The following EEIG1 variants were observed in gnomAD, a reference collection of about 807,000 sequenced individuals.
The protein encoded by EEIG1 is early estrogen-induced gene 1 protein.
the EEIG1 span, among the ~76,000 whole-genome samples, chr9:127,971,506 GAC>G: frequency 1.6e-5 from 2 of 124,718 alleles, no homozygotes; most frequent in African/African-American, 6.0e-5. Flanking sequence ...GGCTGCTCCT[GAC>G]ACAGACTGAC....
At chr9:127,945,679 T>C in the EEIG1 span, 1 of 1,596,240 alleles carries the variant, frequency 6.3e-7, no homozygotes, top group Non-Finnish European at 8.5e-7. This position sits in a 1 kb window ranked among gnomAD's most constrained non-coding sequence, Gnocchi z 6.5. Context: ...CTGGCATAGC[T>C]GGAGTTGCGG....
At chr9:127,977,091 C>T in the EEIG1 span, among the ~76,000 whole-genome samples, 1 of 152,226 alleles carries the variant, frequency 6.6e-6, no homozygotes, top group Non-Finnish European at 1.5e-5. Context: ...CAGCTCTAAA[C>T]TGGCCTCAGG....
chr9:127,975,487 C>T, the EEIG1 span, among the ~76,000 whole-genome samples: 1 of 152,164 alleles, frequency 6.6e-6, no homozygotes, highest in African/African-American at 2.4e-5. Flanking sequence ...CCTCCCCGTT[C>T]TGGCCCAGCC....
chr9:127,965,139 A>C, the EEIG1 span, among the ~76,000 whole-genome samples: 3 of 146,082 alleles, frequency 2.1e-5, no homozygotes, highest in East Asian at 3.9e-4. Flanking sequence ...AAAAAAAAAA[A>C]AAAAAACCAA....
At chr9:127,950,707 GC>G in the EEIG1 span, 1 of 1,402,086 alleles carries the variant, frequency 7.1e-7, no homozygotes, top group Non-Finnish European at 9.3e-7. Context: ...AAGGACAGAG[GC>G]CCCGGGTCGG....
chr9:127,953,683 G>A, the EEIG1 span: 11 of 1,606,434 alleles, frequency 6.8e-6, no homozygotes, highest in Non-Finnish European at 9.4e-6. Context: ...AATCCCCCCA[G>A]ATCTGAGGGG....
the EEIG1 span, among the ~76,000 whole-genome samples, chr9:127,946,740 C>T: frequency 6.6e-6 from 1 of 152,190 alleles, no homozygotes; most frequent in East Asian, 1.9e-4. Flanking sequence ...CTAGCTGGGT[C>T]TGCAGTGGAA....
the EEIG1 span, chr9:127,979,930 C>G: frequency 6.5e-7 from 1 of 1,548,416 alleles, no homozygotes; most frequent in Non-Finnish European, 8.7e-7. Flanking sequence ...TCCACACTTG[C>G]CAAGTGTCTA....
chr9:127,964,328 C>T, the EEIG1 span, among the ~76,000 whole-genome samples: 1 of 152,228 alleles, frequency 6.6e-6, no homozygotes, highest in East Asian at 1.9e-4. Flanking sequence ...TCCCCAGCAC[C>T]TGGCCCCAGC....
chr9:127,968,348 A>G, the EEIG1 span, among the ~76,000 whole-genome samples: 2 of 152,018 alleles, frequency 1.3e-5, no homozygotes, highest in Non-Finnish European at 2.9e-5. Flanking sequence ...ATCCCAGCCC[A>G]TCCCAAGGGC....
the EEIG1 span, chr9:127,948,085 G>C: frequency 1.2e-6 from 2 of 1,611,966 alleles, no homozygotes; most frequent in South Asian, 1.1e-5. Flanking sequence ...GCTGAGAATA[G>C]TGGGCCGAGC....
At chr9:127,961,357 G>A in the EEIG1 span, among the ~76,000 whole-genome samples, 2 of 152,210 alleles carry the variant, frequency 1.3e-5, no homozygotes, top group Non-Finnish European at 2.9e-5. Flanking sequence ...CAGGCAGGGT[G>A]GGGTAAGGGA....
chr9:127,979,889 G>T, the EEIG1 span: 2 of 1,372,036 alleles, frequency 1.5e-6, no homozygotes, highest in Non-Finnish European at 2.0e-6. Flanking sequence ...GAATCCCCCG[G>T]ATCCTCCTCA....
the EEIG1 span, among the ~76,000 whole-genome samples, chr9:127,947,904 C>T: frequency 6.6e-6 from 1 of 152,188 alleles, no homozygotes; most frequent in Non-Finnish European, 1.5e-5. Context: ...GCACCACAGC[C>T]AGCACGCACA....
chr9:127,968,494 C>T, the EEIG1 span, among the ~76,000 whole-genome samples: 1 of 152,148 alleles, frequency 6.6e-6, no homozygotes, highest in Admixed American at 6.5e-5. Flanking sequence ...GTGCTGGGCA[C>T]ACGGTAGGTC....
At chr9:127,947,263 CAAAA>C in the EEIG1 span, among the ~76,000 whole-genome samples, 302 of 94,622 alleles carry the variant, frequency 3.2e-3, 1 homozygote, top group African/African-American at 0.012. Context: ...ACTAAAAATA[CAAAA>C]AAAAAAAAAA....
chr9:127,950,043 T>TA, the EEIG1 span, among the ~76,000 whole-genome samples: 1 of 152,204 alleles, frequency 6.6e-6, no homozygotes, highest in Non-Finnish European at 1.5e-5. Context: ...GCAAATGACT[T>TA]AACGTCTGTG....
At chr9:127,943,362 G>A in the EEIG1 span, 2 of 890,760 alleles carry the variant, frequency 2.2e-6, no homozygotes, top group Non-Finnish European at 3.7e-6. Flanking sequence ...TTGCAAAGGG[G>A]CTAAAACCGT....
chr9:127,975,525 G>A, the EEIG1 span, among the ~76,000 whole-genome samples: 1 of 152,050 alleles, frequency 6.6e-6, no homozygotes, highest in Non-Finnish European at 1.5e-5. Flanking sequence ...GAGTTACTAA[G>A]ACACAGGGGA....
Sources: gnomAD v4.1 joint callset for allele counts (sites outside exome capture counted in the v4.1 genomes callset) on GRCh38, gnomAD v4.1.1 for gene constraint, Gnocchi (gnomAD v3.1) non-coding constraint, MANE v1.5 for transcripts, NCBI Gene and HGNC (gene_info 2026-07-23, HGNC 2026-07-21) for gene names.